Variants in FAM135A observed in about 807,000 individuals in gnomAD.
FAM135A encodes protein FAM135A.
FAM135A carries 79 observed loss-of-function variants against 146.8 expected under a neutral mutation model. The observed-to-expected ratio is 0.54, with a 90% CI of 0.45 to 0.65. The LOEUF is 0.65. Among genes scored for constraint, FAM135A ranks in the 30% least tolerant of loss-of-function variants. The pLI is 0.00. For synonymous variants in FAM135A, 562 were observed against 603.6 expected, an observed-to-expected ratio of 0.93 and a Z score of 1.01; for missense variants, 1,623 against 1,758.2, an observed-to-expected ratio of 0.92 and a Z score of 1.38.
intron 4 of FAM135A, among the ~76,000 whole-genome samples, chr6:70,442,023 A>G (rs1224776147): frequency 6.6e-6 from 1 of 152,158 alleles, no homozygotes; most frequent in Non-Finnish European, 1.5e-5. Context: ...ATTAATGTAT[A>G]CTGATATTTT....
intron 10 of FAM135A, among the ~76,000 whole-genome samples, chr6:70,490,638 A>G (rs140650945): frequency 1.8e-4 from 27 of 152,208 alleles, no homozygotes; most frequent in African/African-American, 5.5e-4. Context: ...TTTTAGGAAT[A>G]GCTTTTGTAA....
In FAM135A at chr6:70,481,023, C is replaced by G. The variant is rs368394839; in HGVS notation, c.665C>G (p.Pro222Arg). 1 of 1,593,234 alleles carries G rather than the reference C, an allele frequency of 6.3e-7. No individual in the cohort carries two copies. The highest frequency in any genetic ancestry group is 1.4e-5 in the African/African-American group (1 of 73,834). Residue 222 changes from proline to arginine, a missense_variant, in exon 9 of 22, where the codon CCA becomes CGA. Physicochemically the swap from Pro to Arg is moderately radical, Grantham distance 103. This residue lies in a region of FAM135A where 206 missense variants were observed against 194.7 expected (regional missense o/e 1.06). Coordinates refer to ENST00000418814, the MANE Select transcript of FAM135A (RefSeq NM_001162529.3). The stretch of plus-strand genomic sequence containing the variant: ...ATTAACTACACAAAACAGTTATCAC[C>G]AGATGTAAGAACTGAATATGTTTAT... The part of the protein sequence containing the change: ...FGINYTKQLS[P>R]DGCSFIIADS...
chr6:70,555,218 AG>A (rs1278072534), intron 20 of FAM135A, among the ~76,000 whole-genome samples: 1 of 152,174 alleles, frequency 6.6e-6, no homozygotes, highest in Non-Finnish European at 1.5e-5. Flanking sequence ...AGTCACTTTT[AG>A]AAAAAAAACA....
intron 11 of FAM135A, among the ~76,000 whole-genome samples, chr6:70,496,156 A>G (rs1052315131): frequency 8.5e-5 from 13 of 152,138 alleles, no homozygotes; most frequent in Non-Finnish European, 1.6e-4. Context: ...TAAACCCAGT[A>G]ATGGAATTGC....
At chr6:70,479,420 A>G (rs1224536927) in intron 8 of FAM135A, among the ~76,000 whole-genome samples, 1 of 152,172 alleles carries the variant, frequency 6.6e-6, no homozygotes, top group East Asian at 1.9e-4. Context: ...AGAAAAGAAA[A>G]CAATATGCCT....
At chr6:70,497,233 T>G (rs989025226) in intron 11 of FAM135A, among the ~76,000 whole-genome samples, 11 of 152,174 alleles carry the variant, frequency 7.2e-5, no homozygotes, top group African/African-American at 2.4e-4. Flanking sequence ...GCAATTTGGA[T>G]TCCTAGGTTT....
intron 10 of FAM135A, 50 bp downstream of exon 10, chr6:70,482,204 A>C (rs1377092762): frequency 6.4e-7 from 1 of 1,557,400 alleles, no homozygotes. Context: ...CATTCTCTTC[A>C]GTCTTATATT....
chr6:70,462,450 A>G (rs1430710164), intron 5 of FAM135A, among the ~76,000 whole-genome samples: 1 of 152,196 alleles, frequency 6.6e-6, no homozygotes, highest in Non-Finnish European at 1.5e-5. Context: ...AGCACACAGT[A>G]TTTAGTAGCC....
chr6:70,441,976 C>T (rs1774605003), intron 4 of FAM135A, among the ~76,000 whole-genome samples: 1 of 152,268 alleles, frequency 6.6e-6, no homozygotes, highest in Non-Finnish European at 1.5e-5. Context: ...AGTCACCATG[C>T]TCCACCACAA....
At chr6:70,471,302 A>G (rs576589368) in intron 5 of FAM135A, among the ~76,000 whole-genome samples, 1 of 152,314 alleles carries the variant, frequency 6.6e-6, no homozygotes, top group East Asian at 1.9e-4. Context: ...TGGGTAAGGA[A>G]AAAAGGAATT....
chr6:70,461,362 T>G (rs1468494625), intron 5 of FAM135A, among the ~76,000 whole-genome samples: 3 of 152,084 alleles, frequency 2.0e-5, no homozygotes, highest in African/African-American at 7.2e-5. Context: ...TGTATACCTT[T>G]TATGTTATAT....
chr6:70,425,763 G>A (rs1362352731), intron 2 of FAM135A, among the ~76,000 whole-genome samples: 2 of 152,070 alleles, frequency 1.3e-5, no homozygotes, highest in African/African-American at 2.4e-5. Flanking sequence ...ACATATATAC[G>A]TACTCAGGGA....
intron 4 of FAM135A, among the ~76,000 whole-genome samples, chr6:70,442,238 GGTTTTT>G (rs1439302551): frequency 2.2e-5 from 3 of 136,380 alleles, no homozygotes; most frequent in African/African-American, 8.4e-5. Flanking sequence ...TTTCTTCATG[GGTTTTT>G]TTTTTTTTTT....
intron 4 of FAM135A, among the ~76,000 whole-genome samples, chr6:70,428,649 C>T (rs1458462068): frequency 6.6e-6 from 1 of 151,808 alleles, no homozygotes; most frequent in Non-Finnish European, 1.5e-5. Flanking sequence ...TTGTAGTGAG[C>T]CTTGAGAGGA....
chr6:70,449,566 T>C (rs1776590565), intron 4 of FAM135A, among the ~76,000 whole-genome samples: 1 of 152,234 alleles, frequency 6.6e-6, no homozygotes, highest in Non-Finnish European at 1.5e-5. Flanking sequence ...ATTCATGTTG[T>C]TGCAAATGAC....
chr6:70,473,833 A>T (rs1216775004), intron 5 of FAM135A, among the ~76,000 whole-genome samples: 4 of 151,880 alleles, frequency 2.6e-5, no homozygotes, highest in African/African-American at 7.3e-5. Context: ...CCACCCCCAT[A>T]TGAAGTCTTT....
chr6:70,547,170 T>TG (rs1323057252), intron 20 of FAM135A, among the ~76,000 whole-genome samples: 1 of 152,180 alleles, frequency 6.6e-6, no homozygotes, highest in Non-Finnish European at 1.5e-5. Flanking sequence ...ATAAAGGTCC[T>TG]GCTGTCCTAC....
chr6:70,420,211 A>G (rs143755616), intron 2 of FAM135A, among the ~76,000 whole-genome samples: 4 of 152,338 alleles, frequency 2.6e-5, no homozygotes, highest in Non-Finnish European at 2.9e-5. Flanking sequence ...GCTTAGGAGA[A>G]AGAACATCCT....
intron 11 of FAM135A, among the ~76,000 whole-genome samples, chr6:70,498,212 T>C (rs556535399): frequency 1.5e-3 from 236 of 152,336 alleles, no homozygotes; most frequent in Non-Finnish European, 2.0e-3. Flanking sequence ...GGAGGCTGTA[T>C]GTGTCCAGGA....
Sources: allele counts gnomAD v4.1 joint callset (sites outside exome capture counted in the v4.1 genomes callset), GRCh38; gene constraint gnomAD v4.1.1; regional missense constraint gnomAD v4.1.1; transcripts MANE v1.5; gene names NCBI Gene and HGNC (gene_info 2026-07-23, HGNC 2026-07-21).